The following ARHGAP42 variants were observed in gnomAD, a reference collection of about 807,000 sequenced individuals.
The protein encoded by ARHGAP42 is Rho GTPase activating protein 42, also known as rho GTPase-activating protein 42.
ARHGAP42 carries 63 observed loss-of-function variants against 125.0 expected under a neutral mutation model. The observed-to-expected ratio is 0.50, with a 90% CI of 0.41 to 0.62. The LOEUF is 0.62. ARHGAP42 is among the 20% of genes least tolerant of loss of function. ARHGAP42 has a pLI of 0.00. For synonymous variants in ARHGAP42, 339 were observed against 351.0 expected (o/e 0.97, Z 0.38); for missense variants, 766 against 1,024.2 (o/e 0.75, Z 3.44).
intron 1 of ARHGAP42, among the ~76,000 whole-genome samples, chr11:100,745,416 G>T (rs1862278870): frequency 6.6e-6 from 1 of 152,128 alleles, no homozygotes; most frequent in South Asian, 2.1e-4. Context: ...GTTTTTATGA[G>T]CCTCTGCAGC....
chr11:100,791,993 T>G (rs1863577686), intron 2 of ARHGAP42, among the ~76,000 whole-genome samples: 1 of 152,178 alleles, frequency 6.6e-6, no homozygotes, highest in Admixed American at 6.5e-5. Flanking sequence ...AAATCTGATT[T>G]AAGACAACTT....
intron 1 of ARHGAP42, among the ~76,000 whole-genome samples, chr11:100,708,094 C>G (rs1861506825): frequency 6.6e-6 from 1 of 152,148 alleles, no homozygotes; most frequent in African/African-American, 2.4e-5. Flanking sequence ...GTAAGTCATT[C>G]CTTCTTGAGC....
chr11:100,839,296 T>C (rs922924218), intron 3 of ARHGAP42: 21 of 152,202 alleles, frequency 1.4e-4, no homozygotes, highest in African/African-American at 5.1e-4. Context: ...TGGAAGACAA[T>C]GTCCTTTATT....
chr11:100,704,408 A>G (rs1367470978), intron 1 of ARHGAP42, among the ~76,000 whole-genome samples: 1 of 152,166 alleles, frequency 6.6e-6, no homozygotes, highest in Admixed American at 6.5e-5. Context: ...AAGAAAGAGA[A>G]TGCAGATCCT....
intron 12 of ARHGAP42, among the ~76,000 whole-genome samples, chr11:100,958,110 C>CA (rs11376268): frequency 0.87 from 131,509 of 151,844 alleles, 57,022 homozygotes; most frequent in East Asian, 1. Context: ...CCTAGGGTTA[C>CA]TTTTTTTTGT....
chr11:100,940,005 C>T (rs932721735), intron 8 of ARHGAP42, among the ~76,000 whole-genome samples: 8 of 152,086 alleles, frequency 5.3e-5, no homozygotes, highest in African/African-American at 1.9e-4. Context: ...CTAATTAGCT[C>T]GTAAGTCTTT....
At chr11:100,697,579 T>A (rs1157715515) in intron 1 of ARHGAP42, among the ~76,000 whole-genome samples, 2 of 152,174 alleles carry the variant, frequency 1.3e-5, no homozygotes, top group Non-Finnish European at 2.9e-5. Context: ...TGTTCCCTTG[T>A]GTGTAAATAT....
chr11:100,824,687 A>G (rs1290589680), intron 3 of ARHGAP42, among the ~76,000 whole-genome samples: 2 of 152,222 alleles, frequency 1.3e-5, no homozygotes, highest in African/African-American at 2.4e-5. Context: ...CATAGATGAC[A>G]GATTTAATCT....
At chr11:100,695,390 A>G (rs1591111326) in intron 1 of ARHGAP42, among the ~76,000 whole-genome samples, 1 of 151,792 alleles carries the variant, frequency 6.6e-6, no homozygotes, top group African/African-American at 2.4e-5. Context: ...CGCAACCTCC[A>G]CCTCCCGGAT....
intron 3 of ARHGAP42, among the ~76,000 whole-genome samples, chr11:100,834,072 T>C (rs1246219974): frequency 6.6e-6 from 1 of 152,180 alleles, no homozygotes; most frequent in Non-Finnish European, 1.5e-5. Flanking sequence ...TGGTAGGCAC[T>C]GTTGTTAGCA....
chr11:100,699,085 A>G (rs1861343886), intron 1 of ARHGAP42, among the ~76,000 whole-genome samples: 1 of 152,000 alleles, frequency 6.6e-6, no homozygotes, highest in Admixed American at 6.6e-5. Flanking sequence ...CTTTCCTTGT[A>G]TGATAACGTC....
chr11:100,687,863 C>T (rs762288410), intron 1 of ARHGAP42, 31 bp downstream of exon 1: 8 of 1,522,140 alleles, frequency 5.3e-6, no homozygotes, highest in Non-Finnish European at 7.1e-6. Flanking sequence ...AGTGGACACC[C>T]GCATCTGGAG....
intron 4 of ARHGAP42, among the ~76,000 whole-genome samples, chr11:100,878,010 A>G (rs1362498676): frequency 6.6e-5 from 10 of 151,034 alleles, no homozygotes; most frequent in African/African-American, 2.4e-4. Context: ...GTCCCAGAAA[A>G]AAAAAAAAAA....
intron 1 of ARHGAP42, among the ~76,000 whole-genome samples, chr11:100,718,064 A>G (rs951786327): frequency 6.6e-6 from 1 of 152,186 alleles, no homozygotes; most frequent in Non-Finnish European, 1.5e-5. Flanking sequence ...ACTGCGAGTC[A>G]TGGTCAAAAT....
At chr11:100,768,326 C>A (rs1862882582) in intron 1 of ARHGAP42, among the ~76,000 whole-genome samples, 1 of 151,862 alleles carries the variant, frequency 6.6e-6, no homozygotes, top group South Asian at 2.1e-4. Context: ...GAGACATCGA[C>A]GGTAGTAGGA....
At chr11:100,865,273 C>G (rs1865542936) in intron 4 of ARHGAP42, among the ~76,000 whole-genome samples, 1 of 152,082 alleles carries the variant, frequency 6.6e-6, no homozygotes, top group African/African-American at 2.4e-5. Context: ...CCAAAAAAAT[C>G]TATATATAGT....
intron 3 of ARHGAP42, among the ~76,000 whole-genome samples, chr11:100,831,883 C>T (rs189637002): frequency 6.0e-4 from 91 of 152,286 alleles, no homozygotes; most frequent in African/African-American, 1.9e-3. Context: ...TAAAAGCTAA[C>T]GGGGCAAGGT....
intron 5 of ARHGAP42, among the ~76,000 whole-genome samples, chr11:100,921,214 CATATATATAT>C (rs1555024757): frequency 8.3e-5 from 3 of 36,288 alleles, no homozygotes; most frequent in African/African-American, 1.3e-4. Flanking sequence ...TATATATATA[CATATATATAT>C]ATATATATAT....
At chr11:100,764,429 C>G (rs1441714032) in intron 1 of ARHGAP42, among the ~76,000 whole-genome samples, 1 of 152,176 alleles carries the variant, frequency 6.6e-6, no homozygotes, top group African/African-American at 2.4e-5. Flanking sequence ...GAGTCCAGCT[C>G]TTAGACTCCA....
Sources: allele counts gnomAD v4.1 joint callset (sites outside exome capture counted in the v4.1 genomes callset), GRCh38; gene constraint gnomAD v4.1.1; transcripts MANE v1.5; gene names NCBI Gene and HGNC (gene_info 2026-07-23, HGNC 2026-07-21).